The following SDK1 variants were observed in gnomAD, a reference collection of about 807,000 sequenced individuals.
The protein encoded by SDK1 is sidekick cell adhesion molecule 1, also known as protein sidekick-1.
SDK1 carries 157 observed loss-of-function variants against 245.5 expected under a neutral mutation model. The ratio of observed to expected loss-of-function variants is 0.64; its 90% CI spans 0.56 to 0.73. SDK1 has a LOEUF of 0.73. Ranked by LOEUF, SDK1 falls within the 30% of genes least tolerant of loss-of-function variation. The pLI is 0.00. For synonymous variants in SDK1, 1,647 were observed against 1,278.5 expected (o/e 1.29, Z -6.15); for missense variants, 3,583 against 3,002.3 (o/e 1.19, Z -4.52).
intron 5 of SDK1, among the ~76,000 whole-genome samples, chr7:3,895,736 C>G (rs1398499063): frequency 6.6e-6 from 1 of 152,194 alleles, no homozygotes; most frequent in African/African-American, 2.4e-5. Context: ...CCATCAGTAT[C>G]CCCAGGCACT....
chr7:3,698,082 C>T (rs932000794), intron 4 of SDK1, among the ~76,000 whole-genome samples: 2 of 152,128 alleles, frequency 1.3e-5, no homozygotes, highest in Non-Finnish European at 1.5e-5. Flanking sequence ...TGCCAGTGGG[C>T]ACAGACAAGA....
At position 3,526,870 on chromosome 7, in the gene SDK1, T is replaced by C. The variant is rs185009918; in HGVS notation, c.299-92210T>C. 6.4e-4 allele frequency among the ~76,000 whole-genome samples: 97 copies of C among 152,330 alleles called. 1 individual carries two copies. In the East Asian group the frequency reaches 0.018, roughly 28 times the overall value. On this transcript the variant is annotated intron_variant, in intron 1 of 44. Transcript: ENST00000404826. Reference sequence around the variant, plus strand: ...ATCTTCCAGATTTAGCTTTATATTATGAAGATATTTGTCATTTGGGCAGCT... The same window carrying C: ...ATCTTCCAGATTTAGCTTTATATTACGAAGATATTTGTCATTTGGGCAGCT...
chr7:3,462,471 A>G (rs1421167550), intron 1 of SDK1, among the ~76,000 whole-genome samples: 1 of 152,186 alleles, frequency 6.6e-6, no homozygotes, highest in Admixed American at 6.6e-5. Flanking sequence ...ATTCATGTAC[A>G]TAGTTTGAAT....
At chr7:3,995,551 C>G (rs146694171) in intron 14 of SDK1, among the ~76,000 whole-genome samples, 2 of 152,324 alleles carry the variant, frequency 1.3e-5, no homozygotes, top group African/African-American at 4.8e-5. Flanking sequence ...AGGGCACCAG[C>G]AAAGGCAAGA....
intron 1 of SDK1, among the ~76,000 whole-genome samples, chr7:3,336,228 GGT>G (rs1780196339): frequency 7.2e-5 from 11 of 152,276 alleles, no homozygotes; most frequent in African/African-American, 2.6e-4. Flanking sequence ...AGCATGCTTC[GGT>G]TCCCCACCCA....
chr7:3,663,742 G>GA (rs1435696774), intron 4 of SDK1, among the ~76,000 whole-genome samples: 3 of 152,262 alleles, frequency 2.0e-5, no homozygotes, highest in East Asian at 3.9e-4. Context: ...TGCCACACTA[G>GA]AATTATGTGT....
At chr7:3,734,383 A>G (rs1779263790) in intron 4 of SDK1, among the ~76,000 whole-genome samples, 1 of 152,222 alleles carries the variant, frequency 6.6e-6, no homozygotes, top group African/African-American at 2.4e-5. Flanking sequence ...ACAAATTAGC[A>G]TGAGGAAATA....
At chr7:4,258,094 C>CG (rs1318107392) in intron 44 of SDK1, among the ~76,000 whole-genome samples, 6 of 152,210 alleles carry the variant, frequency 3.9e-5, no homozygotes, top group Admixed American at 6.5e-5. Flanking sequence ...TCTCTTGAGA[C>CG]TACAGGACTT....
chr7:3,715,268 C>T (rs1370436279), intron 4 of SDK1, among the ~76,000 whole-genome samples: 1 of 151,980 alleles, frequency 6.6e-6, no homozygotes, highest in African/African-American at 2.4e-5. Context: ...GAGCTGCAGA[C>T]TATATATAAA....
intron 5 of SDK1, among the ~76,000 whole-genome samples, chr7:3,903,540 A>T (rs534724170): frequency 6.6e-6 from 1 of 152,212 alleles, no homozygotes; most frequent in Admixed American, 6.5e-5. Context: ...AAAAGGGTAC[A>T]GCTGCTGTGG....
At chr7:3,853,231 A>G (rs1780462054) in intron 5 of SDK1, among the ~76,000 whole-genome samples, 1 of 152,166 alleles carries the variant, frequency 6.6e-6, no homozygotes, top group Admixed American at 6.5e-5. Flanking sequence ...ATGGAAAGTA[A>G]CCTATTGCTC....
At chr7:3,786,446 G>A (rs373856292) in intron 4 of SDK1, among the ~76,000 whole-genome samples, 8 of 152,002 alleles carry the variant, frequency 5.3e-5, no homozygotes, top group African/African-American at 1.9e-4. Flanking sequence ...TTGTGTTCAG[G>A]ACCTTAAATC....
intron 1 of SDK1, among the ~76,000 whole-genome samples, chr7:3,337,494 A>G (rs1780233284): frequency 6.6e-6 from 1 of 152,212 alleles, no homozygotes; most frequent in Non-Finnish European, 1.5e-5. Context: ...TAATCTGACT[A>G]TAATTTCTCA....
chr7:4,009,161 G>A (rs1231934442), intron 14 of SDK1, among the ~76,000 whole-genome samples: 1 of 152,188 alleles, frequency 6.6e-6, no homozygotes, highest in Non-Finnish European at 1.5e-5. Context: ...TGTTTTCACG[G>A]AAGTTCAAAC....
At chr7:3,821,777 A>G (rs1021320454) in intron 5 of SDK1, among the ~76,000 whole-genome samples, 194 bp downstream of exon 5, 4 of 152,158 alleles carry the variant, frequency 2.6e-5, no homozygotes, top group African/African-American at 4.8e-5. Flanking sequence ...ATGCGGAAAA[A>G]TGTGAATCTC....
At chr7:3,771,123 C>T (rs548271446) in intron 4 of SDK1, among the ~76,000 whole-genome samples, 1 of 152,100 alleles carries the variant, frequency 6.6e-6, no homozygotes, top group Non-Finnish European at 1.5e-5. Context: ...TGGAGATCAA[C>T]TGGCTATGGG....
chr7:3,396,857 TTAATG>T (rs1226371419), intron 1 of SDK1, among the ~76,000 whole-genome samples: 6 of 151,652 alleles, frequency 4.0e-5, no homozygotes, highest in Non-Finnish European at 8.9e-5. Flanking sequence ...TTATTTATAT[TTAATG>T]TAATTATTAA....
At chr7:3,935,046 T>C (rs972132429) in intron 5 of SDK1, among the ~76,000 whole-genome samples, 11 of 152,250 alleles carry the variant, frequency 7.2e-5, no homozygotes, top group Admixed American at 7.2e-4. Flanking sequence ...AGCATTCTTT[T>C]CTGTCTGTCT....
chr7:3,535,865 C>G (rs528543160), intron 1 of SDK1, among the ~76,000 whole-genome samples: 1 of 152,230 alleles, frequency 6.6e-6, no homozygotes, highest in East Asian at 1.9e-4. Flanking sequence ...GCACATAAAT[C>G]ATTATCCAGG....
Sources: allele counts gnomAD v4.1 joint callset (sites outside exome capture counted in the v4.1 genomes callset), GRCh38; gene constraint gnomAD v4.1.1; transcripts MANE v1.5; gene names NCBI Gene and HGNC (gene_info 2026-07-23, HGNC 2026-07-21).